Variants in ABHD18 observed in about 807,000 individuals in gnomAD.
ABHD18 encodes abhydrolase domain containing 18.
ABHD18 carries 55 observed loss-of-function variants against 65.9 expected under a neutral mutation model. That is an observed-to-expected ratio of 0.84 (90% CI 0.67 to 1.05). The LOEUF (loss-of-function observed/expected upper bound fraction) is 1.05. Among genes scored for constraint, ABHD18 ranks in the 50% least tolerant of loss-of-function variants. The pLI is 0.00. For missense variants in ABHD18, 533 were observed against 558.5 expected, an observed-to-expected ratio of 0.95 and a Z score of 0.46; for synonymous variants, 181 against 180.2, an observed-to-expected ratio of 1.00 and a Z score of -0.04.
In ABHD18 at chr4:128,033,958, TC is replaced by T. The variant is rs373080619; in HGVS notation, c.1344-1803del. On this transcript the variant is annotated intron_variant, in intron 12 of 12. Transcript: ENST00000645843. ...AAATATAGACATGCATTTTCTTTTT[TC>T]TTTTTTTTTTTTTTTTTTGAGCTGG... Among the ~76,000 whole-genome samples, 850 of 149,258 alleles carry T rather than the reference TC, an allele frequency of 5.7e-3. 5 individuals are homozygous for T. The highest frequency in any genetic ancestry group is 9.4e-3 in the Non-Finnish European group (630 of 67,086).
intron 3 of ABHD18, among the ~76,000 whole-genome samples, chr4:127,987,494 G>A (rs887319027): frequency 2.6e-5 from 4 of 152,090 alleles, no homozygotes; most frequent in African/African-American, 9.7e-5. Flanking sequence ...TGGATCACTT[G>A]AGGTCAGAAG....
At chr4:128,023,290 G>GCC (rs1756814298) in intron 10 of ABHD18, among the ~76,000 whole-genome samples, 1 of 150,942 alleles carries the variant, frequency 6.6e-6, no homozygotes, top group South Asian at 2.1e-4. Context: ...TCGGGACCAG[G>GCC]CGTGGTGGCA....
chr4:128,011,394 C>T (rs547756548), intron 6 of ABHD18, among the ~76,000 whole-genome samples: 25 of 151,824 alleles, frequency 1.6e-4, no homozygotes, highest in South Asian at 4.2e-4. Flanking sequence ...GTGATCCGCC[C>T]GCCTTGGCCT....
intron 1 of ABHD18, among the ~76,000 whole-genome samples, chr4:127,976,445 C>CA (rs1412710293): frequency 6.6e-6 from 1 of 151,760 alleles, no homozygotes; most frequent in African/African-American, 2.4e-5. Flanking sequence ...TTCCTCAATG[C>CA]AAAAAATGTG....
intron 4 of ABHD18, among the ~76,000 whole-genome samples, chr4:128,007,397 G>T (rs539659211): frequency 6.7e-6 from 1 of 149,738 alleles, no homozygotes; most frequent in Non-Finnish European, 1.5e-5. Flanking sequence ...AGTCATATAG[G>T]TTAAAAGAAA....
At chr4:128,010,343 A>G (rs1430055716) in intron 6 of ABHD18, among the ~76,000 whole-genome samples, 1 of 152,026 alleles carries the variant, frequency 6.6e-6, no homozygotes, top group Non-Finnish European at 1.5e-5. Flanking sequence ...CAGCCTGGCC[A>G]ACATGGTGAA....
chr4:128,030,973 T>C lies in ABHD18; in HGVS notation c.1343+301T>C, dbSNP rs1469852977. The C allele has an allele frequency of 2.8e-6, 3 of 1,068,262 alleles. No homozygotes were observed. In the African/African-American group the frequency reaches 5.0e-5, roughly 18 times the overall value. The allele number at this position is 1,068,262 out of a possible 1,614,324, so 66.2% of individuals were successfully genotyped here. On this transcript the variant is annotated intron_variant, in intron 12 of 12. Coordinates refer to ENST00000645843, the MANE Select transcript of ABHD18 (RefSeq NM_001358451.3). ...ATGTGAGAAGGAAGATCATGGCTTGTTAAAGTTGCTTTGGTGCATCAAGAG... is the reference window on the plus strand; with the variant it reads ...ATGTGAGAAGGAAGATCATGGCTTGCTAAAGTTGCTTTGGTGCATCAAGAG...
chr4:128,035,663 C>T (rs941770287), intron 12 of ABHD18, 99 bp from the exon 13 acceptor site: 33 of 671,684 alleles, frequency 4.9e-5, no homozygotes, highest in African/African-American at 4.5e-4. Context: ...TGTCAAGTTG[C>T]AAGCCACAGA....
chr4:127,985,839 T>TA (rs553840681), intron 3 of ABHD18, among the ~76,000 whole-genome samples: 6,163 of 148,460 alleles, frequency 0.042, 196 homozygotes, highest in African/African-American at 0.097. Context: ...CCATCTCTAC[T>TA]AAAAAAAAAA....
chr4:127,968,588 A>C (rs34369372), intron 1 of ABHD18, among the ~76,000 whole-genome samples: 13,266 of 152,308 alleles, frequency 0.087, 809 homozygotes, highest in East Asian at 0.25. Flanking sequence ...TAGCATAATA[A>C]ATGATGAGTG....
rs368107909 is a variant in ABHD18, at chr4:128,001,844, TTG to T, written c.279-7074_279-7073del. 4,332 of 1,334,122 alleles carry T rather than the reference TTG, an allele frequency of 3.2e-3. 33 individuals are homozygous for T. The African/African-American group carries it at 0.038, about 12-fold the overall frequency. 82.6% of individuals were successfully genotyped at this position (1,334,122 alleles called of 1,614,324 possible). On this transcript the variant is annotated intron_variant, in intron 4 of 12. Transcript: ENST00000645843. ...GTTAGATGTTGAGTTTTGTTTTGTTTTGTTTTTTTTTTTAATTCCTTGTGCCT... is the reference window on the plus strand; with the variant it reads ...GTTAGATGTTGAGTTTTGTTTTGTTTTTTTTTTTTTTAATTCCTTGTGCCT...
intron 11 of ABHD18, 35 bp downstream of exon 11, chr4:128,028,888 T>C (rs1033992414): frequency 1.4e-6 from 2 of 1,445,534 alleles, no homozygotes; most frequent in Non-Finnish European, 9.3e-7. Context: ...GAATATTTGC[T>C]GATGTGTAAG....
At chr4:128,019,217 T>A (rs1360504383) in intron 8 of ABHD18, among the ~76,000 whole-genome samples, 2 of 152,160 alleles carry the variant, frequency 1.3e-5, no homozygotes, top group Non-Finnish European at 2.9e-5. Flanking sequence ...TACTATCATG[T>A]TACCTTCTTT....
intron 4 of ABHD18, among the ~76,000 whole-genome samples, chr4:127,994,856 A>G (rs1381708857): frequency 6.6e-6 from 1 of 152,150 alleles, no homozygotes; most frequent in Non-Finnish European, 1.5e-5. Flanking sequence ...TTAGGGATAA[A>G]GCACTCATTT....
chr4:128,018,681 G>A (rs1452121497), intron 8 of ABHD18, among the ~76,000 whole-genome samples: 1 of 151,928 alleles, frequency 6.6e-6, no homozygotes, highest in African/African-American at 2.4e-5. Context: ...GTTTCTGTAT[G>A]CCTCTTGAAT....
rs142651246 is a variant in ABHD18, at chr4:127,999,613, C to A, written c.279-9307C>A. On this transcript the variant is annotated intron_variant, in intron 4 of 12. Coordinates refer to ENST00000645843, the MANE Select transcript of ABHD18 (RefSeq NM_001358451.3). ...TCTTTTGAAGGCTGCCTATTTGTAT[C>A]TTTTTCCTGTTTTTTAGTGAGGTTA... Among the ~76,000 whole-genome samples, 669 of 152,138 alleles carry A rather than the reference C, an allele frequency of 4.4e-3. 9 individuals carry two copies. Among genetic ancestry groups the A allele is most frequent in the African/African-American group, 0.015 (640 of 41,518 alleles).
Position 128,028,668 on chromosome 4 carries a change from A to G in ABHD18, c.995A>G (p.Gln332Arg), listed in dbSNP as rs1757741604. ...GCGACATCAGAAGGACTCTTATTGC[A>G]AGATACCTCTAAGATGAAGCGCTTC... is the stretch of plus-strand genomic sequence containing the variant. ...VSATSEGLLL[Q>R]DTSKMKRFNQ... Residue 332 changes from glutamine to arginine, a missense_variant, in exon 11 of 13, where the codon CAA (glutamine) becomes CGA (arginine). By Grantham distance (43) the Gln-to-Arg change is conservative. Coordinates refer to ENST00000645843, the MANE Select transcript of ABHD18 (RefSeq NM_001358451.3). 3.1e-6 allele frequency: 5 copies of G among 1,613,898 alleles called. No individual in the cohort carries two copies. The highest frequency in any genetic ancestry group is 3.4e-6 in the Non-Finnish European group (4 of 1,179,856).
chr4:127,979,126 T>A (rs938121238), intron 1 of ABHD18, among the ~76,000 whole-genome samples: 1 of 152,188 alleles, frequency 6.6e-6, no homozygotes, highest in Non-Finnish European at 1.5e-5. Context: ...TAAATATAAA[T>A]GTCCTAAATT....
chr4:127,983,109 C>T (rs1360334453), intron 2 of ABHD18, 62 bp downstream of exon 2: 3 of 1,180,608 alleles, frequency 2.5e-6, no homozygotes, highest in Admixed American at 2.1e-5. Context: ...ACATTTAAAA[C>T]TTTGTTATAA....
Sources: gnomAD v4.1 joint callset for allele counts (sites outside exome capture counted in the v4.1 genomes callset) on GRCh38, gnomAD v4.1.1 for gene constraint, MANE v1.5 for transcripts, NCBI Gene and HGNC (gene_info 2026-07-23, HGNC 2026-07-21) for gene names.